Variants in CNOT4 observed in about 807,000 individuals in gnomAD.
CNOT4 encodes the protein CCR4-NOT transcription complex subunit 4.
A neutral mutation model predicts 73.8 loss-of-function variants in CNOT4; 8 were observed. The observed-to-expected ratio is 0.11, with a 90% CI of 0.06 to 0.20. The LOEUF is 0.20. Ranked by LOEUF, CNOT4 falls within the 10% of genes least tolerant of loss-of-function variation. The pLI is 1.00. For synonymous variants in CNOT4, 293 were observed against 321.1 expected (o/e 0.91, Z 0.94); for missense variants, 564 against 883.4 (o/e 0.64, Z 4.58).
intron 5 of CNOT4, 34 bp downstream of exon 5, chr7:135,414,295 TAA>T (rs567428044): frequency 9.8e-3 from 6,494 of 663,366 alleles, no homozygotes; most frequent in South Asian, 0.018. Flanking sequence ...TCGTCTTCCT[TAA>T]AAAAAAAAAA....
chr7:135,396,915 T>C (rs1472441035), intron 8 of CNOT4, among the ~76,000 whole-genome samples: 1 of 152,144 alleles, frequency 6.6e-6, no homozygotes, highest in Non-Finnish European at 1.5e-5. Flanking sequence ...GAATTTTCAA[T>C]ATAATTTTAC....
chr7:135,487,650 TTTG>T (rs1284961984), intron 1 of CNOT4, among the ~76,000 whole-genome samples: 4 of 152,220 alleles, frequency 2.6e-5, no homozygotes, highest in African/African-American at 9.6e-5. Context: ...CAAAGCCACT[TTTG>T]TTAGTACATT....
At chr7:135,490,886 T>C (rs1803066101) in intron 1 of CNOT4, among the ~76,000 whole-genome samples, 2 of 152,256 alleles carry the variant, frequency 1.3e-5, no homozygotes, top group South Asian at 4.1e-4. Context: ...GCTGCTGCCA[T>C]TACCCAGCAA....
chr7:135,399,310 G>C (rs1796878122), intron 7 of CNOT4, among the ~76,000 whole-genome samples: 1 of 152,066 alleles, frequency 6.6e-6, no homozygotes, highest in Admixed American at 6.5e-5. Flanking sequence ...AGGCTATATA[G>C]TGCCTAGTGC....
In CNOT4 at chr7:135,395,617, G is replaced by T. The variant is rs1796636680; in HGVS notation, c.1129+17C>A. The T allele has an allele frequency of 6.2e-7, 1 of 1,608,874 alleles. No individual in the cohort carries two copies. The highest frequency in any genetic ancestry group is 1.3e-5 in the African/African-American group (1 of 74,732). ...TTAAGAGCATAATTACTAATACTTG[G>T]TACTATTGTTATATACCTGATGTGA... is the stretch of plus-strand genomic sequence containing the variant. On this transcript the variant is annotated intron_variant, in intron 9 of 11. Transcript: ENST00000541284.
At chr7:135,412,328 A>C (rs187564389) in intron 6 of CNOT4, among the ~76,000 whole-genome samples, 33 of 151,998 alleles carry the variant, frequency 2.2e-4, no homozygotes, top group Admixed American at 1.7e-3. Context: ...TTTAAATGAG[A>C]TCAACTGGGT....
chr7:135,501,442 G>T (rs1048908213), intron 1 of CNOT4, among the ~76,000 whole-genome samples: 1 of 152,206 alleles, frequency 6.6e-6, no homozygotes, highest in African/African-American at 2.4e-5. Flanking sequence ...TTTAGGGCAT[G>T]AGGGACTAAA....
chr7:135,401,183 G>C (rs1796982127), intron 7 of CNOT4, among the ~76,000 whole-genome samples: 1 of 152,194 alleles, frequency 6.6e-6, no homozygotes, highest in African/African-American at 2.4e-5. Context: ...ACTGGCATCA[G>C]ATGTAGAACT....
rs969810577 is a variant in CNOT4, at chr7:135,467,689, T to A, written c.-92-29266A>T. ...TCATGCTACTGCACTCCAGCCTGGA[T>A]GACAGAGCAAGACCCTGTCTCCAAA... On this transcript the variant is annotated intron_variant, in intron 1 of 11. Coordinates refer to ENST00000541284, the MANE Select transcript of CNOT4 (RefSeq NM_001190850.2). 2.0e-5 allele frequency among the ~76,000 whole-genome samples: 3 copies of A among 151,782 alleles called. No homozygotes were observed. The East Asian group carries it at 5.8e-4, about 29-fold the overall frequency.
chr7:135,472,162 G>A (rs1326401281), intron 1 of CNOT4, among the ~76,000 whole-genome samples: 1 of 150,430 alleles, frequency 6.6e-6, no homozygotes, highest in Non-Finnish European at 1.5e-5. Flanking sequence ...CACAGAGTAA[G>A]ACCCTATCTC....
chr7:135,478,126 G>A (rs996215047), intron 1 of CNOT4, among the ~76,000 whole-genome samples: 4 of 151,892 alleles, frequency 2.6e-5, no homozygotes, highest in African/African-American at 9.7e-5. Flanking sequence ...TTCTTAATTT[G>A]TCTTTCATGA....
chr7:135,478,635 G>T (rs923766278), intron 1 of CNOT4, among the ~76,000 whole-genome samples: 1 of 152,108 alleles, frequency 6.6e-6, no homozygotes, highest in East Asian at 1.9e-4. Context: ...CCCAGGAGGT[G>T]GAGGTTGCAG....
chr7:135,388,896 T>C, intron 10 of CNOT4: 1 of 1,612,392 alleles, frequency 6.2e-7, no homozygotes, highest in South Asian at 1.1e-5. Context: ...CTTCTTCCCC[T>C]GTGGAAAAGT....
At chr7:135,505,381 A>G (rs1477663817) in intron 1 of CNOT4, among the ~76,000 whole-genome samples, 1 of 152,116 alleles carries the variant, frequency 6.6e-6, no homozygotes, top group Non-Finnish European at 1.5e-5. Context: ...GTGAAACCCC[A>G]TCTCTACTAA....
rs1480644060 is a variant in CNOT4, at chr7:135,363,070, G to C, written c.1957C>G (p.Gln653Glu). ...CTGAAGGGGGCGCTGTGGTGGGTCTGTGATGGAGCAGCGCTGGGGCCGTCC... is the reference window on the plus strand; with the variant it reads ...CTGAAGGGGGCGCTGTGGTGGGTCTCTGATGGAGCAGCGCTGGGGCCGTCC... ...EMDGPSAAPS[Q>E]THHSAPFSTQ... is the part of the protein sequence containing the mutation. The change falls in exon 12 of 12, where the codon CAG (glutamine) becomes GAG (glutamate). Residue 653 changes from glutamine to glutamate, a missense_variant. By Grantham distance (29) the Gln-to-Glu change is conservative. This residue lies in a region of CNOT4 where 88 missense variants were observed against 94.7 expected (regional missense o/e 0.93). Coordinates refer to ENST00000541284, the MANE Select transcript of CNOT4 (RefSeq NM_001190850.2). This position sits in a 1 kb window ranked among gnomAD's most constrained non-coding sequence, Gnocchi z 4.3. The C allele has an allele frequency of 6.2e-7, 1 of 1,614,126 alleles. No individual in the cohort carries two copies. The highest frequency in any genetic ancestry group is 8.5e-7 in the Non-Finnish European group (1 of 1,180,028).
chr7:135,483,991 C>G (rs138782506), intron 1 of CNOT4, among the ~76,000 whole-genome samples: 1 of 151,714 alleles, frequency 6.6e-6, no homozygotes, highest in Non-Finnish European at 1.5e-5. Flanking sequence ...ATCAGGAGTC[C>G]GAAACCAGCC....
intron 1 of CNOT4, among the ~76,000 whole-genome samples, chr7:135,473,096 G>A (rs760789161): frequency 2.0e-5 from 3 of 151,948 alleles, no homozygotes; most frequent in South Asian, 4.2e-4. Flanking sequence ...ATTGATTCAC[G>A]TACCTTAGAA....
At chr7:135,495,690 A>AAAGAAAGAAAG (rs1803483391) in intron 1 of CNOT4, among the ~76,000 whole-genome samples, 2 of 38,658 alleles carry the variant, frequency 5.2e-5, no homozygotes, top group African/African-American at 1.8e-4. Flanking sequence ...AAAAAAAAAA[A>AAAGAAAGAAAG]AAAGAAAGAA....
intron 10 of CNOT4, among the ~76,000 whole-genome samples, chr7:135,377,685 T>C (rs1483099200): frequency 1.3e-5 from 2 of 152,166 alleles, no homozygotes; most frequent in East Asian, 3.8e-4. Flanking sequence ...AATTCAAAAA[T>C]TTATATGCTC....
Sources: allele counts gnomAD v4.1 joint callset (sites outside exome capture counted in the v4.1 genomes callset), GRCh38; gene constraint gnomAD v4.1.1; regional missense constraint gnomAD v4.1.1; non-coding constraint Gnocchi (gnomAD v3.1); transcripts MANE v1.5; gene names NCBI Gene and HGNC (gene_info 2026-07-23, HGNC 2026-07-21).